The following UBE2G1 variants were observed in gnomAD, a reference collection of about 807,000 sequenced individuals.
UBE2G1 encodes ubiquitin conjugating enzyme E2 G1.
A neutral mutation model predicts 22.7 loss-of-function variants in UBE2G1; 5 were observed. The observed-to-expected ratio is 0.22, with a 90% CI of 0.12 to 0.46. The LOEUF is 0.46. Ranked by LOEUF, UBE2G1 falls within the 20% of genes least tolerant of loss-of-function variation. The pLI, the probability that UBE2G1 is intolerant of heterozygous loss-of-function variation, is 0.99. For synonymous variants in UBE2G1, 74 were observed against 67.5 expected, an observed-to-expected ratio of 1.10 and a Z score of -0.47; for missense variants, 88 against 203.9, an observed-to-expected ratio of 0.43 and a Z score of 3.46.
chr17:4,326,158 C>A (rs527596489), intron 1 of UBE2G1, among the ~76,000 whole-genome samples: 17 of 151,776 alleles, frequency 1.1e-4, no homozygotes, highest in African/African-American at 4.1e-4. Flanking sequence ...AAGCAACCCC[C>A]AAAAAAATGG....
At chr17:4,339,597 G>A (rs1038225987) in intron 1 of UBE2G1, among the ~76,000 whole-genome samples, 6 of 152,090 alleles carry the variant, frequency 3.9e-5, no homozygotes, top group Admixed American at 6.5e-5. Context: ...GAGCCACCGC[G>A]CCTGGCTCAA....
intron 1 of UBE2G1, among the ~76,000 whole-genome samples, chr17:4,358,329 A>T (rs917311336): frequency 7.9e-5 from 12 of 152,008 alleles, no homozygotes; most frequent in Non-Finnish European, 2.9e-5. Context: ...GCGGTGGTGA[A>T]GTCACAGCTC....
chr17:4,321,706 T>C (rs1021319841), intron 1 of UBE2G1, among the ~76,000 whole-genome samples: 1 of 152,112 alleles, frequency 6.6e-6, no homozygotes, highest in East Asian at 1.9e-4. Flanking sequence ...TTGCCCAGAC[T>C]GGTCTTGAAC....
At chr17:4,305,923 G>A (rs1969244498) in intron 2 of UBE2G1, among the ~76,000 whole-genome samples, 1 of 152,210 alleles carries the variant, frequency 6.6e-6, no homozygotes, top group African/African-American at 2.4e-5. Flanking sequence ...GAAGACTGTG[G>A]TCTTTGCATC....
At chr17:4,325,594 C>A (rs776946057) in intron 1 of UBE2G1, among the ~76,000 whole-genome samples, 2 of 152,134 alleles carry the variant, frequency 1.3e-5, no homozygotes, top group Non-Finnish European at 2.9e-5. Context: ...ACAATGTAAT[C>A]CCTGTATCAA....
At chr17:4,288,477 C>T (rs186883145) in intron 4 of UBE2G1, among the ~76,000 whole-genome samples, 7 of 152,244 alleles carry the variant, frequency 4.6e-5, no homozygotes, top group East Asian at 3.9e-4. Flanking sequence ...CCACCCGCCT[C>T]GGCCTCCCAA....
chr17:4,346,197 C>T (rs946581220), intron 1 of UBE2G1, among the ~76,000 whole-genome samples: 1 of 152,120 alleles, frequency 6.6e-6, no homozygotes, highest in African/African-American at 2.4e-5. Flanking sequence ...AAATAAACAT[C>T]AAATGTTAGT....
chr17:4,288,618 C>T (rs1203281923), intron 4 of UBE2G1, among the ~76,000 whole-genome samples: 1 of 152,116 alleles, frequency 6.6e-6, no homozygotes, highest in Admixed American at 6.6e-5. Context: ...ACAGTTACGA[C>T]AAGCCATTTT....
chr17:4,307,510 T>G (rs1969261392), intron 1 of UBE2G1, among the ~76,000 whole-genome samples: 1 of 152,258 alleles, frequency 6.6e-6, no homozygotes, highest in Admixed American at 6.5e-5. Flanking sequence ...CAGGGTATAC[T>G]TTCAGAGTGT....
At chr17:4,275,952 T>C (rs1968816619) in intron 5 of UBE2G1, among the ~76,000 whole-genome samples, 2 of 152,194 alleles carry the variant, frequency 1.3e-5, no homozygotes, top group Non-Finnish European at 2.9e-5. Flanking sequence ...CTGAGCTCTC[T>C]GTGAGAACTC....
At chr17:4,333,671 A>C (rs2143782736) in intron 1 of UBE2G1, among the ~76,000 whole-genome samples, 1 of 152,058 alleles carries the variant, frequency 6.6e-6, no homozygotes, top group Non-Finnish European at 1.5e-5. Flanking sequence ...AATACAAAAA[A>C]TTAGATGGGT....
chr17:4,274,513 C>A (rs908322689), intron 5 of UBE2G1, among the ~76,000 whole-genome samples: 31 of 151,988 alleles, frequency 2.0e-4, no homozygotes, highest in Non-Finnish European at 3.5e-4. Context: ...ATCTATCTTA[C>A]AATCACTCAA....
chr17:4,338,864 G>A (rs561732473), intron 1 of UBE2G1, among the ~76,000 whole-genome samples: 6 of 152,222 alleles, frequency 3.9e-5, no homozygotes, highest in East Asian at 1.9e-4. Context: ...TCCCTTCAGC[G>A]GCTAGATAAC....
At position 4,333,421 on chromosome 17, in the gene UBE2G1, G is replaced by A. The variant is rs894355348; in HGVS notation, c.47-26298C>T. Among the ~76,000 whole-genome samples the A allele has an allele frequency of 2.6e-5, 4 of 152,268 alleles. No individual in the cohort carries two copies. In the South Asian group the frequency reaches 8.3e-4, roughly 32 times the overall value. On this transcript the variant is annotated intron_variant, in intron 1 of 5. Transcript: ENST00000396981. ...GGCCGGGCACGGTGGCTCTGTCTGT[G>A]ATCCCAGCACTTGGGAGGTCGAGGC...
In UBE2G1 at chr17:4,270,872, C is replaced by G. The variant is rs553264571; in HGVS notation, c.*1682G>C. 1 of 152,340 alleles carries G rather than the reference C, an allele frequency of 6.6e-6. No homozygotes were observed. The highest frequency in any genetic ancestry group is 6.5e-5 in the Admixed American group (1 of 15,294). The allele number at this position is 152,340 out of a possible 1,614,324, so 9.4% of individuals were successfully genotyped here. A position where few individuals can be genotyped will look rare whatever the true frequency, so the allele number is the denominator to read the frequency against. ...TTATTTCTGCTTAAAAAAGGACATA[C>G]AACGTTTGTAGAGGTCTGGGCTCTT... On this transcript the variant is annotated 3_prime_UTR_variant, in exon 6 of 6. Transcript: ENST00000396981.
intron 1 of UBE2G1, among the ~76,000 whole-genome samples, chr17:4,325,513 C>T (rs577031047): frequency 6.6e-6 from 1 of 152,202 alleles, no homozygotes; most frequent in African/African-American, 2.4e-5. Flanking sequence ...ATAAAGAGAG[C>T]TTAAGAGACT....
intron 1 of UBE2G1, among the ~76,000 whole-genome samples, chr17:4,362,555 A>G (rs9901888): frequency 0.056 from 8,479 of 152,268 alleles, 800 homozygotes; most frequent in African/African-American, 0.19. Flanking sequence ...ATTTTGTTCA[A>G]TTCTGAAAGT....
chr17:4,282,493 A>G (rs1255833273), intron 5 of UBE2G1, among the ~76,000 whole-genome samples: 1 of 152,250 alleles, frequency 6.6e-6, no homozygotes, highest in Non-Finnish European at 1.5e-5. Flanking sequence ...TGCTAGATCA[A>G]AAAGTCAAAC....
At chr17:4,281,478 C>T (rs8078322) in intron 5 of UBE2G1, among the ~76,000 whole-genome samples, 144,987 of 152,190 alleles carry the variant, frequency 0.95, 69,492 homozygotes, top group East Asian at 1. Flanking sequence ...AATAGGTAGA[C>T]TCAAGATGTG....
Sources: gnomAD v4.1 joint callset for allele counts (sites outside exome capture counted in the v4.1 genomes callset) on GRCh38, gnomAD v4.1.1 for gene constraint, MANE v1.5 for transcripts, NCBI Gene and HGNC (gene_info 2026-07-23, HGNC 2026-07-21) for gene names.